NRXN1: variants seen among roughly 807,000 people sequenced by gnomAD.
NRXN1 encodes neurexin-1.
A neutral mutation model predicts 150.9 loss-of-function variants in NRXN1; 39 were observed. The observed-to-expected ratio is 0.26, with a 90% CI of 0.20 to 0.34. The LOEUF (loss-of-function observed/expected upper bound fraction) is 0.34, where lower values mean the gene tolerates loss of function less well. NRXN1 is among the 10% of genes least tolerant of loss of function. The pLI, the probability that NRXN1 is intolerant of heterozygous loss-of-function variation, is 1.00. For missense variants in NRXN1, 1,815 were observed against 1,949.9 expected, an observed-to-expected ratio of 0.93 and a Z score of 1.30; for synonymous variants, 924 against 757.0, an observed-to-expected ratio of 1.22 and a Z score of -3.62.
At chr2:50,556,134 G>A (rs1482188950) in intron 8 of NRXN1, among the ~76,000 whole-genome samples, 2 of 151,954 alleles carry the variant, frequency 1.3e-5, no homozygotes, top group East Asian at 3.9e-4. Context: ...GTAGGCTTAC[G>A]GCTCTCAGAT....
At chr2:50,970,577 G>T (rs1232748262) in intron 2 of NRXN1, among the ~76,000 whole-genome samples, 1 of 151,864 alleles carries the variant, frequency 6.6e-6, no homozygotes, top group Non-Finnish European at 1.5e-5. Flanking sequence ...AACACTCAAA[G>T]GACCTTACAA....
intron 2 of NRXN1, among the ~76,000 whole-genome samples, chr2:50,948,635 C>T (rs1398490280): frequency 6.6e-6 from 1 of 151,942 alleles, no homozygotes; most frequent in Non-Finnish European, 1.5e-5. Flanking sequence ...CATACTGCCC[C>T]ATTTAATCTT....
intron 21 of NRXN1, among the ~76,000 whole-genome samples, chr2:49,989,025 T>C (rs1405048685): frequency 6.6e-6 from 1 of 152,192 alleles, no homozygotes; most frequent in Non-Finnish European, 1.5e-5. Context: ...AGACTCTAGA[T>C]TATTCCATTT....
chr2:50,937,504 C>G (rs1347735713), intron 2 of NRXN1, among the ~76,000 whole-genome samples: 1 of 152,122 alleles, frequency 6.6e-6, no homozygotes, highest in Non-Finnish European at 1.5e-5. Context: ...ATGTAAGGAA[C>G]TCAATCAACT....
At chr2:50,197,655 T>A (rs2061863812) in intron 18 of NRXN1, among the ~76,000 whole-genome samples, 1 of 152,152 alleles carries the variant, frequency 6.6e-6, no homozygotes. Flanking sequence ...ATAAGCAGTA[T>A]CTTAATTCTC....
At chr2:50,444,916 AT>A (rs745693528) in intron 17 of NRXN1, among the ~76,000 whole-genome samples, 1 of 152,090 alleles carries the variant, frequency 6.6e-6, no homozygotes, top group Non-Finnish European at 1.5e-5. Flanking sequence ...AATATAATTT[AT>A]CTTGATTACT....
At chr2:51,016,919 C>T (rs1668750296) in intron 2 of NRXN1, among the ~76,000 whole-genome samples, 1 of 152,084 alleles carries the variant, frequency 6.6e-6, no homozygotes, top group Non-Finnish European at 1.5e-5. Flanking sequence ...GAATACTATG[C>T]AGTCATAAAA....
chr2:50,386,779 G>A (rs113738946), intron 17 of NRXN1, among the ~76,000 whole-genome samples: 317 of 152,266 alleles, frequency 2.1e-3, no homozygotes, highest in African/African-American at 3.5e-3. Context: ...ACTGGGCTAC[G>A]CAGGAGAAAT....
At chr2:50,493,568 C>T (rs557076760) in intron 15 of NRXN1, among the ~76,000 whole-genome samples, 20 of 152,270 alleles carry the variant, frequency 1.3e-4, no homozygotes, top group African/African-American at 4.8e-4. Context: ...TGGCCAATGC[C>T]CACAGCCACC....
At chr2:50,397,172 C>A (rs939854853) in intron 17 of NRXN1, among the ~76,000 whole-genome samples, 2 of 152,028 alleles carry the variant, frequency 1.3e-5, no homozygotes, top group African/African-American at 4.8e-5. Flanking sequence ...TGTGAAGAAA[C>A]TATGAGGAGA....
intron 17 of NRXN1, among the ~76,000 whole-genome samples, chr2:50,326,357 A>T (rs1333544274): frequency 6.6e-6 from 1 of 152,214 alleles, no homozygotes; most frequent in Non-Finnish European, 1.5e-5. Context: ...GTTTATTGAA[A>T]TTATTATTTT....
At chr2:49,988,984 C>A (rs1490517667) in intron 21 of NRXN1, among the ~76,000 whole-genome samples, 1 of 152,214 alleles carries the variant, frequency 6.6e-6, no homozygotes, top group Non-Finnish European at 1.5e-5. Context: ...CAGTGGGAAT[C>A]TGAAGCATTG....
At chr2:50,505,042 G>C (rs1429538781) in intron 13 of NRXN1, among the ~76,000 whole-genome samples, 1 of 152,022 alleles carries the variant, frequency 6.6e-6, no homozygotes, top group African/African-American at 2.4e-5. Context: ...CCATTCAGTA[G>C]TTCATCTGTT....
intron 17 of NRXN1, among the ~76,000 whole-genome samples, chr2:50,350,128 T>G (rs2153000185): frequency 6.6e-6 from 1 of 152,292 alleles, no homozygotes; most frequent in Admixed American, 6.5e-5. Context: ...GATCACATTT[T>G]CATCACTGAA....
At chr2:50,872,556 A>T (rs1178966371) in intron 5 of NRXN1, among the ~76,000 whole-genome samples, 1 of 151,782 alleles carries the variant, frequency 6.6e-6, no homozygotes, top group African/African-American at 2.4e-5. Flanking sequence ...CTACCATTTT[A>T]TGCTAAATAG....
At chr2:50,700,482 CAT>C (rs1186628866) in intron 5 of NRXN1, among the ~76,000 whole-genome samples, 2 of 152,082 alleles carry the variant, frequency 1.3e-5, no homozygotes, top group African/African-American at 2.4e-5. Context: ...TAAAAGATCA[CAT>C]GTTTCCTAGG....
At chr2:51,008,872 C>A (rs62143019) in intron 2 of NRXN1, among the ~76,000 whole-genome samples, 1 of 151,446 alleles carries the variant, frequency 6.6e-6, no homozygotes, top group Non-Finnish European at 1.5e-5. Flanking sequence ...TTTGGTAGGA[C>A]AAATCACATT....
chr2:50,397,531 T>A (rs998420830), intron 17 of NRXN1, among the ~76,000 whole-genome samples: 10 of 152,086 alleles, frequency 6.6e-5, no homozygotes, highest in Admixed American at 1.3e-4. Flanking sequence ...ATTAAGTCCA[T>A]GTTACAGGTG....
Position 50,497,554 on chromosome 2 carries a change from G to A in NRXN1, c.2658C>T (p.Gly886=), listed in dbSNP as rs752920557. 30 of 1,613,670 alleles carry A rather than the reference G, an allele frequency of 1.9e-5. No individual in the cohort carries two copies. Among genetic ancestry groups the A allele is most frequent in the African/African-American group, 2.7e-5 (2 of 74,882 alleles). The change falls in exon 14 of 23, where the codon GGC becomes GGT. Residue 886 remains glycine (G), a synonymous_variant. Transcript: ENST00000401669. Reference sequence around the variant, plus strand: ...CATTAAGCTCACAGTAATCTATGTCGCCATTTTTACACAGGTCAATGTATG... The same window carrying A: ...CATTAAGCTCACAGTAATCTATGTCACCATTTTTACACAGGTCAATGTATG... ...GMAYIDLCKN[G]DIDYCELNAR...
Sources: allele counts gnomAD v4.1 joint callset (sites outside exome capture counted in the v4.1 genomes callset), GRCh38; gene constraint gnomAD v4.1.1; transcripts MANE v1.5; gene names NCBI Gene and HGNC (gene_info 2026-07-23, HGNC 2026-07-21).